TTC39B: variants seen among roughly 807,000 people sequenced by gnomAD.
The protein encoded by TTC39B is tetratricopeptide repeat protein 39B.
TTC39B carries 92 observed loss-of-function variants against 96.6 expected under a neutral mutation model. That is an observed-to-expected ratio of 0.95 (90% CI 0.80 to 1.13). The LOEUF (loss-of-function observed/expected upper bound fraction) is 1.13, where lower values mean the gene tolerates loss of function less well. Among genes scored for constraint, TTC39B ranks in the 50% most tolerant of loss-of-function variants. The pLI is 0.00. For missense variants in TTC39B, 955 were observed against 809.3 expected, an observed-to-expected ratio of 1.18 and a Z score of -2.18; for synonymous variants, 367 against 299.4, an observed-to-expected ratio of 1.23 and a Z score of -2.33.
chr9:15,279,775 G>A (rs1052399975), intron 1 of TTC39B, among the ~76,000 whole-genome samples: 2 of 151,952 alleles, frequency 1.3e-5, no homozygotes, highest in African/African-American at 4.8e-5. Context: ...TGGCTGACAT[G>A]TCCTGATGTC....
At position 15,230,256 on chromosome 9, in the gene TTC39B, C is replaced by A. The variant is rs78436699; in HGVS notation, c.276-4244G>T. 9.6e-3 allele frequency among the ~76,000 whole-genome samples: 1,464 copies of A among 152,264 alleles called. 25 individuals carry two copies. The highest frequency in any genetic ancestry group is 0.033 in the African/African-American group (1,387 of 41,546). ...CTTTATTCAGACCTAATTCACAGAC[C>A]ATAAAATTCACCCAATTAATGTTTA... On this transcript the variant is annotated intron_variant, in intron 2 of 19. Coordinates refer to ENST00000512701, the Ensembl canonical transcript of TTC39B.
At chr9:15,281,358 AAT>A (rs1563785742) in intron 1 of TTC39B, among the ~76,000 whole-genome samples, 1 of 152,146 alleles carries the variant, frequency 6.6e-6, no homozygotes, top group East Asian at 1.9e-4. Context: ...AGTACGAAAT[AAT>A]GTCAGCTCCC....
At chr9:15,281,365 G>C (rs1177480245) in intron 1 of TTC39B, among the ~76,000 whole-genome samples, 1 of 152,074 alleles carries the variant, frequency 6.6e-6, no homozygotes, top group Non-Finnish European at 1.5e-5. Context: ...AATAATGTCA[G>C]CTCCCATTAA....
At chr9:15,247,330 A>G (rs72700648) in intron 2 of TTC39B, among the ~76,000 whole-genome samples, 6,111 of 152,314 alleles carry the variant, frequency 0.04, 150 homozygotes, top group East Asian at 0.063. Flanking sequence ...GGAAGACTTC[A>G]TTCTAAGGAA....
intron 1 of TTC39B, among the ~76,000 whole-genome samples, chr9:15,279,187 T>C (rs1237252894): frequency 1.3e-5 from 2 of 152,244 alleles, no homozygotes; most frequent in Non-Finnish European, 2.9e-5. Flanking sequence ...GTCTCTGGTG[T>C]AGACCAGGGA....
intron 2 of TTC39B, among the ~76,000 whole-genome samples, chr9:15,240,499 GT>G (rs139202786): frequency 0.022 from 3,225 of 149,422 alleles, 119 homozygotes; most frequent in African/African-American, 0.075. Context: ...ACTTTTCAAT[GT>G]TTTTTTTTCA....
chr9:15,289,880 C>A (rs970871600), intron 1 of TTC39B, among the ~76,000 whole-genome samples: 4 of 152,156 alleles, frequency 2.6e-5, no homozygotes, highest in East Asian at 1.9e-4. Context: ...TGCTTTCTTG[C>A]AAGTGGAACA....
intron 17 of TTC39B, among the ~76,000 whole-genome samples, chr9:15,180,463 A>G (rs2118585595): frequency 6.6e-6 from 1 of 152,344 alleles, no homozygotes; most frequent in East Asian, 1.9e-4. Context: ...TCAAAGTTCT[A>G]TCTTTTGTAT....
intron 16 of TTC39B, among the ~76,000 whole-genome samples, chr9:15,184,508 T>C (rs1173337996): frequency 1.3e-5 from 2 of 151,964 alleles, no homozygotes; most frequent in Non-Finnish European, 1.5e-5. Context: ...TGACTATCTA[T>C]ATAAAAACTA....
intron 2 of TTC39B, among the ~76,000 whole-genome samples, chr9:15,262,031 C>T (rs1231808835): frequency 6.6e-6 from 1 of 152,120 alleles, no homozygotes; most frequent in Non-Finnish European, 1.5e-5. Context: ...TAAGAGGTCA[C>T]CTCCTTATGC....
At chr9:15,250,469 C>A (rs897484125) in intron 2 of TTC39B, among the ~76,000 whole-genome samples, 1 of 151,232 alleles carries the variant, frequency 6.6e-6, no homozygotes, top group Non-Finnish European at 1.5e-5. Context: ...GCTGTTATTG[C>A]CGACTGAGAC....
chr9:15,189,512 C>A, intron 13 of TTC39B, 62 bp downstream of exon 13: 3 of 1,560,050 alleles, frequency 1.9e-6, no homozygotes, highest in South Asian at 1.1e-5. Context: ...TAGGTCACAG[C>A]GACTCATGTA....
At chr9:15,176,272 T>G (rs1057138519) in intron 18 of TTC39B, among the ~76,000 whole-genome samples, 3 of 152,206 alleles carry the variant, frequency 2.0e-5, no homozygotes, top group Non-Finnish European at 4.4e-5. Context: ...AACAATTCAC[T>G]ATGAGATTCA....
At chr9:15,199,644 A>T (rs1331669291) in intron 8 of TTC39B, among the ~76,000 whole-genome samples, 4 of 144,172 alleles carry the variant, frequency 2.8e-5, no homozygotes, top group African/African-American at 1.0e-4. Flanking sequence ...ATGAGGCAGG[A>T]GAATGGCGTG....
At position 15,273,601 on chromosome 9, in the gene TTC39B, A is replaced by T. The variant is rs1019509832; in HGVS notation, c.241-5653T>A. Among the ~76,000 whole-genome samples the T allele has an allele frequency of 3.3e-5, 5 of 152,284 alleles. No individual in the cohort carries two copies. In the East Asian group the frequency reaches 7.7e-4, roughly 24 times the overall value. ...CACGCTCATTTAACCACCGCACTTT[A>T]GCAAAGATGACAAGGTTTGAGAGGG... is the stretch of plus-strand genomic sequence containing the variant. On this transcript the variant is annotated intron_variant, in intron 1 of 19. Coordinates refer to ENST00000512701, the Ensembl canonical transcript of TTC39B.
At chr9:15,198,274 T>C (rs1351316916) in intron 8 of TTC39B, among the ~76,000 whole-genome samples, 6 of 151,270 alleles carry the variant, frequency 4.0e-5, no homozygotes, top group African/African-American at 1.5e-4. Context: ...CCGGTCAATA[T>C]GGTGAAACCC....
intron 6 of TTC39B, 67 bp from the exon 7 acceptor site, chr9:15,203,957 C>A: frequency 6.9e-7 from 1 of 1,438,914 alleles, no homozygotes; most frequent in South Asian, 1.3e-5. Flanking sequence ...CTGTGATGTT[C>A]AGGAAAGACT....
At position 15,185,328 on chromosome 9, in the gene TTC39B, AC is replaced by A. The variant is rs747602156; in HGVS notation, c.1565del (p.Arg522LeufsTer10). 1.2e-6 allele frequency: 2 copies of A among 1,613,880 alleles called. No individual in the cohort carries two copies. Among genetic ancestry groups the A allele is most frequent in the South Asian group, 2.2e-5 (2 of 91,080 alleles). On this transcript the variant is annotated frameshift_variant, in exon 16 of 20. Coordinates refer to ENST00000512701, the Ensembl canonical transcript of TTC39B. LOFTEE classifies it high-confidence loss of function. ...CAGGTGCAGGTAAGGAGGCGGAGTA[AC>A]GCCGAGCCTTCCTCACAGCAAACTT...
At chr9:15,274,438 A>G (rs57102646) in intron 1 of TTC39B, among the ~76,000 whole-genome samples, 21,104 of 152,188 alleles carry the variant, frequency 0.14, 2,470 homozygotes, top group African/African-American at 0.32. Flanking sequence ...AAGAGCATCA[A>G]TGTTCTTTGA....
Sources: gnomAD v4.1 joint callset for allele counts (sites outside exome capture counted in the v4.1 genomes callset) on GRCh38, gnomAD v4.1.1 for gene constraint, MANE v1.5 for transcripts, NCBI Gene and HGNC (gene_info 2026-07-23, HGNC 2026-07-21) for gene names.